DLGAP1: variants seen among roughly 807,000 people sequenced by gnomAD.
DLGAP1 encodes the protein DLG associated protein 1.
A neutral mutation model predicts 90.8 loss-of-function variants in DLGAP1; 11 were observed. The ratio of observed to expected loss-of-function variants is 0.12; its 90% confidence interval spans 0.08 to 0.20. The LOEUF is 0.20. Among genes scored for constraint, DLGAP1 ranks in the 10% least tolerant of loss-of-function variants. The pLI is 1.00. For missense variants in DLGAP1, 1,050 were observed against 1,333.8 expected, an observed-to-expected ratio of 0.79 and a Z score of 3.31; for synonymous variants, 558 against 540.7, an observed-to-expected ratio of 1.03 and a Z score of -0.44.
intron 2 of DLGAP1, among the ~76,000 whole-genome samples, chr18:4,066,398 C>T (rs1405870903): frequency 1.3e-5 from 2 of 151,976 alleles, no homozygotes; most frequent in South Asian, 2.1e-4. Flanking sequence ...AGACAACCTA[C>T]AAAATAGGGA....
At chr18:4,417,049 G>A (rs190032881) in intron 1 of DLGAP1, among the ~76,000 whole-genome samples, 1 of 152,180 alleles carries the variant, frequency 6.6e-6, no homozygotes, top group Admixed American at 6.6e-5. Context: ...GTCAACCCCG[G>A]TCTTGTTCAG....
In DLGAP1 at chr18:3,812,178, T is replaced by C. The variant is rs112039096; in HGVS notation, c.1172+1881A>G. Among the ~76,000 whole-genome samples the C allele has an allele frequency of 1.2e-3, 188 of 152,234 alleles. 2 individuals are homozygous for C. The highest frequency in any genetic ancestry group is 4.4e-3 in the African/African-American group (183 of 41,546). On this transcript the variant is annotated intron_variant, in intron 5 of 12. Coordinates refer to ENST00000315677, the MANE Select transcript of DLGAP1 (RefSeq NM_004746.4). ...ACCCTATGGCCATGACTACCTAACA[T>C]TGTGTCTAGTGGAGAGATATTTTAA... is the stretch of plus-strand genomic sequence containing the variant.
At chr18:3,937,013 C>A (rs890728560) in intron 3 of DLGAP1, among the ~76,000 whole-genome samples, 1 of 152,044 alleles carries the variant, frequency 6.6e-6, no homozygotes, top group Non-Finnish European at 1.5e-5. Context: ...TGGAGGAGCA[C>A]GTGGAAAGTG....
At chr18:3,591,310 T>C (rs775683939) in intron 7 of DLGAP1, among the ~76,000 whole-genome samples, 1 of 152,144 alleles carries the variant, frequency 6.6e-6, no homozygotes. Context: ...ATTTCTATTG[T>C]AGAAATACAG....
chr18:3,609,101 T>C (rs1396612695), intron 7 of DLGAP1, among the ~76,000 whole-genome samples: 3 of 151,928 alleles, frequency 2.0e-5, no homozygotes, highest in African/African-American at 7.3e-5. Context: ...AGTGCTGGGA[T>C]TACAGGCGTG....
chr18:3,523,635 C>CT (rs2144224413), intron 10 of DLGAP1, among the ~76,000 whole-genome samples: 1 of 152,000 alleles, frequency 6.6e-6, no homozygotes, highest in East Asian at 2.0e-4. Context: ...ATCACGAGGT[C>CT]AGGAGATCGA....
intron 3 of DLGAP1, chr18:3,978,589 G>A (rs878862521): frequency 5.3e-5 from 12 of 226,140 alleles, no homozygotes; most frequent in South Asian, 3.1e-4. Context: ...GACCAAGTTC[G>A]TTTACTCTGG....
At chr18:4,438,095 C>T (rs2083446648) in intron 1 of DLGAP1, among the ~76,000 whole-genome samples, 1 of 152,112 alleles carries the variant, frequency 6.6e-6, no homozygotes, top group African/African-American at 2.4e-5. Context: ...AACCTTAGCG[C>T]CTCCACAGAG....
At chr18:3,910,997 G>A (rs967090179) in intron 3 of DLGAP1, among the ~76,000 whole-genome samples, 1 of 152,158 alleles carries the variant, frequency 6.6e-6, no homozygotes, top group African/African-American at 2.4e-5. Context: ...CGAACTGCTG[G>A]AGGATAAGAC....
intron 9 of DLGAP1, among the ~76,000 whole-genome samples, chr18:3,545,872 T>G (rs1014145214): frequency 2.0e-5 from 3 of 152,182 alleles, no homozygotes; most frequent in African/African-American, 7.2e-5. Context: ...GGAAACAGGA[T>G]GTTTTCTAAT....
At chr18:4,242,169 T>C (rs641239) in intron 1 of DLGAP1, among the ~76,000 whole-genome samples, 5,502 of 152,238 alleles carry the variant, frequency 0.036, 182 homozygotes, top group African/African-American at 0.082. Flanking sequence ...GTCTTTTCAT[T>C]ACAATAAAAT....
At chr18:4,087,046 A>AC (rs2075692929) in intron 2 of DLGAP1, among the ~76,000 whole-genome samples, 1 of 112,098 alleles carries the variant, frequency 8.9e-6, no homozygotes, top group African/African-American at 3.5e-5. Context: ...TATATACACA[A>AC]ACACATATAT....
intron 1 of DLGAP1, among the ~76,000 whole-genome samples, chr18:4,173,831 A>G (rs1483883004): frequency 6.6e-6 from 1 of 152,196 alleles, no homozygotes; most frequent in Non-Finnish European, 1.5e-5. Context: ...ACAAAGGGGC[A>G]ATTTCAAATA....
rs575222703 is a variant in DLGAP1, at chr18:3,711,588, C to T, written c.1591+17547G>A. 2.6e-5 allele frequency among the ~76,000 whole-genome samples: 4 copies of T among 152,240 alleles called. No individual in the cohort carries two copies. The highest frequency in any genetic ancestry group is 1.9e-4 in the East Asian group (1 of 5,174). Reference sequence around the variant, plus strand: ...GTGTGGTGGCTCATGCTTCTAATGCCGGCACTTTGGGAGGCTGAGGCAGGA... The same window carrying T: ...GTGTGGTGGCTCATGCTTCTAATGCTGGCACTTTGGGAGGCTGAGGCAGGA... On this transcript the variant is annotated intron_variant, in intron 7 of 12. Coordinates refer to ENST00000315677, the MANE Select transcript of DLGAP1 (RefSeq NM_004746.4). This position sits in a 1 kb window ranked among gnomAD's most constrained non-coding sequence, Gnocchi z 4.0.
Position 3,840,822 on chromosome 18 carries a change from AG to A in DLGAP1, c.958-26550del, listed in dbSNP as rs200023614. 6.9e-3 allele frequency among the ~76,000 whole-genome samples: 1,055 copies of A among 152,334 alleles called. 14 individuals carry two copies. The highest frequency in any genetic ancestry group is 0.024 in the African/African-American group (1,011 of 41,572). On this transcript the variant is annotated intron_variant, in intron 4 of 12. Coordinates refer to ENST00000315677, the MANE Select transcript of DLGAP1 (RefSeq NM_004746.4). ...TTTAGTAAAGTCATATAGACAGAGA[AG>A]TGGTAGAAAGAGCATTCAAATCTAG...
chr18:3,977,202 G>A (rs983042359), intron 3 of DLGAP1, among the ~76,000 whole-genome samples: 4 of 152,120 alleles, frequency 2.6e-5, no homozygotes, highest in African/African-American at 9.7e-5. Context: ...CTCCCAAGTA[G>A]CTGGGACCAC....
intron 1 of DLGAP1, among the ~76,000 whole-genome samples, chr18:4,359,178 G>A (rs576062127): frequency 9.8e-5 from 15 of 152,318 alleles, no homozygotes; most frequent in African/African-American, 3.4e-4. Context: ...ATGGGGTTCA[G>A]GACATGCTAC....
At position 4,261,878 on chromosome 18, in the gene DLGAP1, A is replaced by C. The variant is rs77071454; in HGVS notation, c.-266-110591T>G. On this transcript the variant is annotated intron_variant, in intron 1 of 12. Coordinates refer to ENST00000315677, the MANE Select transcript of DLGAP1 (RefSeq NM_004746.4). The stretch of plus-strand genomic sequence containing the variant: ...TAGACAATACCAGAAGGAAAGAAAA[A>C]GTGAACAGGAACTCATTTAAAAATG... Among the ~76,000 whole-genome samples, 595 of 152,326 alleles carry C rather than the reference A, an allele frequency of 3.9e-3. 5 individuals are homozygous for C. The highest frequency in any genetic ancestry group is 0.013 in the African/African-American group (525 of 41,556).
chr18:4,397,548 C>G (rs2144496825), intron 1 of DLGAP1, among the ~76,000 whole-genome samples: 1 of 152,222 alleles, frequency 6.6e-6, no homozygotes, highest in East Asian at 1.9e-4. Flanking sequence ...ATGCAAAGTC[C>G]TCAAATATTT....
Sources: gnomAD v4.1 joint callset for allele counts (sites outside exome capture counted in the v4.1 genomes callset) on GRCh38, gnomAD v4.1.1 for gene constraint, Gnocchi (gnomAD v3.1) non-coding constraint, MANE v1.5 for transcripts, NCBI Gene and HGNC (gene_info 2026-07-23, HGNC 2026-07-21) for gene names.